Variants in CDH13 observed in about 807,000 individuals in gnomAD.
The protein encoded by CDH13 is cadherin 13.
In CDH13, 24 loss-of-function variants were observed where a neutral mutation model predicts 63.8. The observed-to-expected ratio is 0.38, with a 90% CI of 0.27 to 0.53. CDH13 has a LOEUF of 0.53. CDH13 is among the 20% of genes least tolerant of loss of function. CDH13 has a pLI of 0.85. For missense variants in CDH13, 1,049 were observed against 903.1 expected (o/e 1.16, Z -2.07); for synonymous variants, 503 against 355.3 (o/e 1.42, Z -4.67).
chr16:83,518,120 G>A (rs1223090859), intron 7 of CDH13, among the ~76,000 whole-genome samples: 1 of 148,606 alleles, frequency 6.7e-6, no homozygotes. Context: ...ATGATAATGA[G>A]TGAGATATCA....
rs112124080 is a variant in CDH13 at position 83,462,504 on chromosome 16, C to A, written c.782-23973C>A. ...CAGTGGCTTACGCCTGTAATCCCAG[C>A]ACTTTGGGAGGCCAACGCGAGCAGG... On this transcript the variant is annotated intron_variant, in intron 6 of 13. Transcript: ENST00000567109. 5.6e-3 allele frequency among the ~76,000 whole-genome samples: 846 copies of A among 152,348 alleles called. 8 individuals carry two copies. Among genetic ancestry groups the A allele is most frequent in the African/African-American group, 0.019 (795 of 41,576 alleles).
chr16:82,647,087 G>C (rs1910183180), intron 1 of CDH13, among the ~76,000 whole-genome samples: 1 of 152,204 alleles, frequency 6.6e-6, no homozygotes, highest in Non-Finnish European at 1.5e-5. Flanking sequence ...ACAGTTTGAA[G>C]CCCAGCTCTG....
intron 1 of CDH13, among the ~76,000 whole-genome samples, chr16:82,664,618 G>T (rs1003229414): frequency 1.3e-5 from 2 of 152,128 alleles, no homozygotes; most frequent in African/African-American, 4.8e-5. Flanking sequence ...TTTCCTGTGT[G>T]TTTCCTTAAA....
chr16:82,967,534 C>A (rs1366862549), intron 2 of CDH13, among the ~76,000 whole-genome samples: 1 of 152,180 alleles, frequency 6.6e-6, no homozygotes, highest in Admixed American at 6.5e-5. Flanking sequence ...ATTAAGTGCC[C>A]ATTTCCCCTT....
chr16:83,395,885 G>A (rs1270496653), intron 6 of CDH13, among the ~76,000 whole-genome samples: 1 of 152,134 alleles, frequency 6.6e-6, no homozygotes, highest in Non-Finnish European at 1.5e-5. Context: ...TTGTTGTAGA[G>A]ATTATCTCAT....
At chr16:83,478,221 A>G (rs1290045957) in intron 6 of CDH13, among the ~76,000 whole-genome samples, 3 of 152,094 alleles carry the variant, frequency 2.0e-5, no homozygotes, top group South Asian at 2.1e-4. Context: ...ACATGCAGTA[A>G]TTCCTTTGAG....
intron 5 of CDH13, among the ~76,000 whole-genome samples, chr16:83,234,985 C>T (rs1329198120): frequency 6.6e-6 from 1 of 152,138 alleles, no homozygotes; most frequent in East Asian, 1.9e-4. Flanking sequence ...TTGCTTGAGG[C>T]CAGGAGTTCA....
chr16:83,417,301 G>A (rs149912963), intron 6 of CDH13, among the ~76,000 whole-genome samples: 3,153 of 152,106 alleles, frequency 0.021, 120 homozygotes, highest in African/African-American at 0.073. Context: ...CTCCCTTTCC[G>A]GTTTTCTCCC....
intron 5 of CDH13, among the ~76,000 whole-genome samples, chr16:83,241,398 A>T (rs1322055055): frequency 6.6e-6 from 1 of 152,158 alleles, no homozygotes; most frequent in Non-Finnish European, 1.5e-5. Flanking sequence ...CTTTTTGAGA[A>T]ACCTCCATGT....
At chr16:83,573,829 A>G (rs76710146) in intron 7 of CDH13, among the ~76,000 whole-genome samples, 4,161 of 152,222 alleles carry the variant, frequency 0.027, 121 homozygotes, top group African/African-American at 0.066. Context: ...TTTGGTAACT[A>G]TTGAACACCT....
intron 4 of CDH13, among the ~76,000 whole-genome samples, chr16:83,192,588 A>G (rs985546289): frequency 2.0e-5 from 3 of 152,160 alleles, no homozygotes; most frequent in African/African-American, 7.2e-5. Context: ...AACTAATAGG[A>G]TCTGAGTTTC....
chr16:83,330,526 C>G (rs1490904009), intron 5 of CDH13, among the ~76,000 whole-genome samples: 1 of 152,150 alleles, frequency 6.6e-6, no homozygotes, highest in African/African-American at 2.4e-5. Flanking sequence ...AGAGGCCAAC[C>G]CAAAGTGCTA....
intron 10 of CDH13, among the ~76,000 whole-genome samples, chr16:83,692,066 G>A (rs557143793): frequency 3.9e-5 from 6 of 152,258 alleles, no homozygotes; most frequent in African/African-American, 7.2e-5. Flanking sequence ...AATGACAGCC[G>A]TCGTCACCTC....
chr16:82,724,497 T>C (rs2032975161), intron 1 of CDH13, among the ~76,000 whole-genome samples: 1 of 152,174 alleles, frequency 6.6e-6, no homozygotes, highest in Admixed American at 6.5e-5. Flanking sequence ...TGATCCCATA[T>C]ATGTTTTGGT....
chr16:83,111,055 C>G (rs962190033), intron 3 of CDH13, among the ~76,000 whole-genome samples: 2 of 148,662 alleles, frequency 1.3e-5, no homozygotes, highest in African/African-American at 2.5e-5. Context: ...GCCTGTAGTC[C>G]CAGCTACTCG....
chr16:83,134,544 GGAGAGA>G (rs67135267), intron 4 of CDH13, among the ~76,000 whole-genome samples: 1,724 of 84,252 alleles, frequency 0.02, 31 homozygotes, highest in South Asian at 0.028. Flanking sequence ...TGGGGTGGGG[GGAGAGA>G]GAGAGAGAGA....
chr16:82,636,397 C>G (rs947822886), intron 1 of CDH13, among the ~76,000 whole-genome samples: 1 of 152,082 alleles, frequency 6.6e-6, no homozygotes, highest in African/African-American at 2.4e-5. Context: ...GGATGGGCAC[C>G]GTGGGGGCCT....
At position 83,783,299 on chromosome 16, in the gene CDH13, A is replaced by T; in HGVS notation, c.1961A>T (p.Asn654Ile). ...CTTCTTCAAAATCTGAACAAAGCAA[A>T]CTACAACCTGCCCATCATGGTGACA... Reference protein sequence around the residue: ...VSLLQNLNKANYNLPIMVTDS... With the variant: ...VSLLQNLNKAIYNLPIMVTDS... The change falls in exon 13 of 14, where the codon AAC becomes ATC. Residue 654 changes from asparagine (N) to isoleucine (I), a missense_variant. By Grantham distance (149) the Asn-to-Ile change is moderately radical. Coordinates refer to ENST00000567109, the MANE Select transcript of CDH13 (RefSeq NM_001257.5). The T allele has an allele frequency of 6.2e-7, 1 of 1,613,968 alleles. No homozygotes were observed. The highest frequency in any genetic ancestry group is 8.5e-7 in the Non-Finnish European group (1 of 1,179,874).
intron 10 of CDH13, among the ~76,000 whole-genome samples, chr16:83,708,465 A>G (rs1470967090): frequency 2.6e-5 from 4 of 152,142 alleles, no homozygotes; most frequent in Non-Finnish European, 2.9e-5. Context: ...ACCCCTCAGC[A>G]TGCTTTGTTC....
Sources: gnomAD v4.1 joint callset for allele counts (sites outside exome capture counted in the v4.1 genomes callset) on GRCh38, gnomAD v4.1.1 for gene constraint, MANE v1.5 for transcripts, NCBI Gene and HGNC (gene_info 2026-07-23, HGNC 2026-07-21) for gene names.